MALL: variants seen among roughly 807,000 people sequenced by gnomAD.
MALL encodes the protein MAL-like protein.
Under a neutral mutation model 10.3 loss-of-function variants are expected in MALL, and 2 were observed. That is an observed-to-expected ratio of 0.19 (90% confidence interval 0.08 to 0.61). The LOEUF is 0.61. MALL is among the 20% of genes least tolerant of loss of function. The pLI, the probability that MALL is intolerant of heterozygous loss-of-function variation, is 0.88. For synonymous variants in MALL, 27 were observed against 51.8 expected (o/e 0.52, Z 2.05); for missense variants, 39 against 115.2 (o/e 0.34, Z 3.03).
chr2:110,107,281 G>A (rs1399159521), intron 1 of MALL, among the ~76,000 whole-genome samples: 1 of 152,128 alleles, frequency 6.6e-6, no homozygotes, highest in African/African-American at 2.4e-5. Flanking sequence ...CTGGGGAGGA[G>A]GATAGCCTGG....
chr2:110,101,310 A>G (rs184158379), intron 1 of MALL, among the ~76,000 whole-genome samples: 1 of 152,120 alleles, frequency 6.6e-6, no homozygotes, highest in East Asian at 1.9e-4. Flanking sequence ...AAAGTTCCAC[A>G]CTCTGCAGTT....
chr2:110,106,263 C>T (rs1678693624), intron 1 of MALL, among the ~76,000 whole-genome samples: 1 of 152,092 alleles, frequency 6.6e-6, no homozygotes, highest in African/African-American at 2.4e-5. Flanking sequence ...AGCTTCCACC[C>T]TTCGGCTTAT....
At chr2:110,097,256 G>A (rs1282418230) in intron 1 of MALL, among the ~76,000 whole-genome samples, 1 of 151,998 alleles carries the variant, frequency 6.6e-6, no homozygotes, top group Non-Finnish European at 1.5e-5. Flanking sequence ...TGTTGTGGGT[G>A]AACAGAATAC....
intron 1 of MALL, among the ~76,000 whole-genome samples, chr2:110,099,549 C>T (rs17842656): frequency 0.064 from 9,692 of 152,182 alleles, 385 homozygotes; most frequent in African/African-American, 0.12. Context: ...GATGCTGCAG[C>T]GAATACCTTG....
chr2:110,115,620 G>T, intron 1 of MALL, 68 bp downstream of exon 1: 1 of 904,802 alleles, frequency 1.1e-6, no homozygotes, highest in Non-Finnish European at 1.5e-6. Flanking sequence ...TCTCGGTCCG[G>T]TCTGGGTCCG....
At chr2:110,107,569 C>A (rs891679397) in intron 1 of MALL, among the ~76,000 whole-genome samples, 1 of 152,116 alleles carries the variant, frequency 6.6e-6, no homozygotes, top group African/African-American at 2.4e-5. Flanking sequence ...CTCATACATG[C>A]CTAGCCCTGC....
At chr2:110,115,344 G>C (rs953503893) in intron 1 of MALL, among the ~76,000 whole-genome samples, 1 of 152,166 alleles carries the variant, frequency 6.6e-6, no homozygotes, top group Non-Finnish European at 1.5e-5. Context: ...AGTGGGTTTT[G>C]TTTTGGAGGG....
chr2:110,099,849 C>T (rs1365689243), intron 1 of MALL, among the ~76,000 whole-genome samples: 12 of 152,268 alleles, frequency 7.9e-5, no homozygotes, highest in Admixed American at 7.2e-4. Flanking sequence ...GCCTGCATCC[C>T]AGATGACACG....
At chr2:110,100,474 CA>C (rs35564196) in intron 1 of MALL, among the ~76,000 whole-genome samples, 117,688 of 151,222 alleles carry the variant, frequency 0.78, 49,716 homozygotes, top group Non-Finnish European at 0.93. Context: ...CTCTGTCCCC[CA>C]CCCTAAAAAA....
At chr2:110,116,771 C>A (rs572618444), upstream of MALL, among the ~76,000 whole-genome samples, 7 of 152,336 alleles carry the variant, frequency 4.6e-5, no homozygotes, top group African/African-American at 1.2e-4. Flanking sequence ...AATTGGCGAA[C>A]CTTCATTTTC....
At chr2:110,097,111 G>C (rs1361384461) in intron 1 of MALL, among the ~76,000 whole-genome samples, 1 of 143,684 alleles carries the variant, frequency 7.0e-6, no homozygotes, top group Non-Finnish European at 1.5e-5. Flanking sequence ...AAAAAAAAGA[G>C]AGAGAAAATT....
chr2:110,102,629 C>T (rs1678595963), intron 1 of MALL, among the ~76,000 whole-genome samples: 1 of 152,208 alleles, frequency 6.6e-6, no homozygotes, highest in African/African-American at 2.4e-5. Flanking sequence ...CCACTGTGGC[C>T]TAGCCACAGA....
In MALL at chr2:110,110,350, A is replaced by T. The variant is rs999809773; in HGVS notation, c.105+5338T>A. On this transcript the variant is annotated intron_variant, in intron 1 of 3. Coordinates refer to ENST00000272462, the MANE Select transcript of MALL (RefSeq NM_005434.5). The stretch of plus-strand genomic sequence containing the variant: ...GATTAACCAAGGAAAGAAGAGAGAA[A>T]ATCCAAATAACCTCACTAAGAAACG... Among the ~76,000 whole-genome samples, 11 of 152,086 alleles carry T rather than the reference A, an allele frequency of 7.2e-5. 1 individual carries two copies. Among genetic ancestry groups the T allele is most frequent in the Admixed American group, 3.3e-4 (5 of 15,256 alleles).
At chr2:110,097,667 T>C in intron 1 of MALL, 1 of 385,914 alleles carries the variant, frequency 2.6e-6, no homozygotes, top group Non-Finnish European at 5.2e-6. Context: ...GCCAGGGCTC[T>C]GGGCTGTGGC....
chr2:110,103,849 C>G (rs1429354405), intron 1 of MALL, among the ~76,000 whole-genome samples: 1 of 152,150 alleles, frequency 6.6e-6, no homozygotes, highest in Non-Finnish European at 1.5e-5. Context: ...GCTGGAAGTT[C>G]AGACAGGGGC....
At chr2:110,099,311 C>G (rs1486395561) in intron 1 of MALL, among the ~76,000 whole-genome samples, 1 of 152,136 alleles carries the variant, frequency 6.6e-6, no homozygotes, top group African/African-American at 2.4e-5. Context: ...AAGTTTTTAG[C>G]TGCTCTGAGC....
intron 1 of MALL, among the ~76,000 whole-genome samples, chr2:110,110,501 C>G (rs1026994648): frequency 4.6e-5 from 7 of 151,962 alleles, no homozygotes; most frequent in African/African-American, 1.7e-4. Context: ...AAAATACAAC[C>G]CTCCTAGCTT....
chr2:110,103,335 T>C (rs536522299), intron 1 of MALL, among the ~76,000 whole-genome samples: 3 of 151,888 alleles, frequency 2.0e-5, no homozygotes, highest in African/African-American at 7.2e-5. Flanking sequence ...GACAGGCTGG[T>C]CTCTTCAGGA....
At chr2:110,104,263 C>CAAT (rs1678639510) in intron 1 of MALL, among the ~76,000 whole-genome samples, 1 of 152,138 alleles carries the variant, frequency 6.6e-6, no homozygotes, top group African/African-American at 2.4e-5. Flanking sequence ...GTTCAGTGAC[C>CAAT]CCTTTCTGTT....
Sources: gnomAD v4.1 joint callset for allele counts (sites outside exome capture counted in the v4.1 genomes callset) on GRCh38, gnomAD v4.1.1 for gene constraint, MANE v1.5 for transcripts, NCBI Gene and HGNC (gene_info 2026-07-23, HGNC 2026-07-21) for gene names.